The following ACCSL variants were observed in gnomAD, a reference collection of about 807,000 sequenced individuals.
The protein encoded by ACCSL is probable inactive 1-aminocyclopropane-1-carboxylate synthase-like protein 2.
Under a neutral mutation model 61.7 loss-of-function variants are expected in ACCSL, and 55 were observed. The ratio of observed to expected loss-of-function variants is 0.89; its 90% CI spans 0.72 to 1.12. The LOEUF (loss-of-function observed/expected upper bound fraction) is 1.12. Among genes scored for constraint, ACCSL ranks in the 50% most tolerant of loss-of-function variants. The pLI is 0.00. For missense variants in ACCSL, 632 were observed against 698.0 expected, an observed-to-expected ratio of 0.91 and a Z score of 1.07; for synonymous variants, 258 against 264.3, an observed-to-expected ratio of 0.98 and a Z score of 0.23.
At chr11:44,049,816 T>G (rs1298477391) in intron 1 of ACCSL, among the ~76,000 whole-genome samples, 2 of 152,236 alleles carry the variant, frequency 1.3e-5, no homozygotes, top group Admixed American at 6.5e-5. Flanking sequence ...TGGTCTAGTA[T>G]CTGGTACATA....
At chr11:43,961,485 T>C in the ACCSL span, among the ~76,000 whole-genome samples, 1 of 152,196 alleles carries the variant, frequency 6.6e-6, no homozygotes, top group African/African-American at 2.4e-5. Context: ...TTTCTAGACC[T>C]AGGTCTGTGA....
the ACCSL span, chr11:43,942,128 C>A: frequency 1.2e-3 from 183 of 154,336 alleles, 1 homozygote; most frequent in Non-Finnish European, 1.4e-3. Context: ...GGGAGCCCAC[C>A]CCTTCTTCCG....
the ACCSL span, among the ~76,000 whole-genome samples, chr11:43,946,437 C>A: frequency 1.3e-5 from 2 of 151,990 alleles, no homozygotes; most frequent in East Asian, 3.9e-4. Flanking sequence ...TTTTTTATTG[C>A]CCTAGAAATA....
At chr11:44,026,701 ATTGT>A in the ACCSL span, among the ~76,000 whole-genome samples, 2 of 151,730 alleles carry the variant, frequency 1.3e-5, no homozygotes, top group Non-Finnish European at 1.5e-5. Flanking sequence ...TGTTATTGTC[ATTGT>A]TTGTTTATTT....
At chr11:43,956,570 C>T in the ACCSL span, among the ~76,000 whole-genome samples, 1 of 152,140 alleles carries the variant, frequency 6.6e-6, no homozygotes, top group Non-Finnish European at 1.5e-5. Flanking sequence ...TAGGCACGTG[C>T]CACCACACCC....
chr11:44,031,344 G>C, the ACCSL span, among the ~76,000 whole-genome samples: 1 of 152,158 alleles, frequency 6.6e-6, no homozygotes, highest in Admixed American at 6.5e-5. Context: ...CCTGCACCTT[G>C]TTTTTCTTGT....
At chr11:43,985,308 C>T in the ACCSL span, among the ~76,000 whole-genome samples, 1 of 152,094 alleles carries the variant, frequency 6.6e-6, no homozygotes, top group South Asian at 2.1e-4. Context: ...TGATTAATAC[C>T]TGGGGGCTGT....
the ACCSL span, among the ~76,000 whole-genome samples, chr11:43,930,533 C>T: frequency 1.3e-5 from 2 of 152,094 alleles, no homozygotes; most frequent in South Asian, 4.1e-4. Flanking sequence ...AGCCAGGTAT[C>T]GCTCTTGCTC....
the ACCSL span, among the ~76,000 whole-genome samples, chr11:43,953,669 C>A: frequency 6.6e-6 from 1 of 152,078 alleles, no homozygotes; most frequent in African/African-American, 2.4e-5. Context: ...CTCCCCTCAG[C>A]GCCACAACAG....
At chr11:43,962,871 A>T in the ACCSL span, among the ~76,000 whole-genome samples, 1 of 152,210 alleles carries the variant, frequency 6.6e-6, no homozygotes, top group Non-Finnish European at 1.5e-5. Context: ...CTCAAGGAAG[A>T]TGCATTTTCT....
At chr11:44,014,515 GAGAGAGAGAGA>G in the ACCSL span, among the ~76,000 whole-genome samples, 2 of 151,102 alleles carry the variant, frequency 1.3e-5, no homozygotes, top group East Asian at 3.9e-4. Context: ...GAGAGAGAGA[GAGAGAGAGAGA>G]GAGGTGCCAC....
At chr11:44,043,319 T>C (rs190408881), upstream of ACCSL, among the ~76,000 whole-genome samples, 20 of 152,294 alleles carry the variant, frequency 1.3e-4, no homozygotes, top group Admixed American at 1.2e-3. Context: ...ACCACTAGTC[T>C]GAGGAATTGG....
At chr11:43,985,168 C>G in the ACCSL span, among the ~76,000 whole-genome samples, 1 of 152,212 alleles carries the variant, frequency 6.6e-6, no homozygotes, top group Non-Finnish European at 1.5e-5. Context: ...AGCCTCTTTT[C>G]CTGTCCTGAG....
chr11:44,028,917 T>C, the ACCSL span, among the ~76,000 whole-genome samples: 205 of 152,354 alleles, frequency 1.3e-3, no homozygotes, highest in African/African-American at 4.5e-3. Context: ...TTGGAATGGA[T>C]GTGTCCTTTA....
At chr11:43,956,207 C>T in the ACCSL span, among the ~76,000 whole-genome samples, 1 of 151,956 alleles carries the variant, frequency 6.6e-6, no homozygotes, top group Non-Finnish European at 1.5e-5. Context: ...CAGTTGGCTA[C>T]AAACAGTTGG....
At chr11:43,965,538 A>G in the ACCSL span, among the ~76,000 whole-genome samples, 4 of 152,230 alleles carry the variant, frequency 2.6e-5, no homozygotes, top group Non-Finnish European at 5.9e-5. Flanking sequence ...AAATTGATCT[A>G]TAGATTCAAT....
At chr11:43,999,686 C>G in the ACCSL span, among the ~76,000 whole-genome samples, 1 of 152,084 alleles carries the variant, frequency 6.6e-6, no homozygotes, top group Non-Finnish European at 1.5e-5. Context: ...GGCCCACACT[C>G]AAGGGGAGAG....
At chr11:44,034,101 C>T in the ACCSL span, among the ~76,000 whole-genome samples, 2 of 152,126 alleles carry the variant, frequency 1.3e-5, no homozygotes, top group African/African-American at 4.8e-5. Context: ...ATATGATTCT[C>T]CATCTTTGGG....
the ACCSL span, among the ~76,000 whole-genome samples, chr11:43,924,287 C>T: frequency 0.058 from 8,773 of 152,330 alleles, 339 homozygotes; most frequent in Non-Finnish European, 0.084. Flanking sequence ...GGAGGGCTAG[C>T]CCAGCCGTGC....
Sources: gnomAD v4.1 joint callset for allele counts (sites outside exome capture counted in the v4.1 genomes callset) on GRCh38, gnomAD v4.1.1 for gene constraint, MANE v1.5 for transcripts, NCBI Gene and HGNC (gene_info 2026-07-23, HGNC 2026-07-21) for gene names.